Variants in HPSE2 observed in about 807,000 individuals in gnomAD.
HPSE2 encodes heparanase 2 (inactive), also known as inactive heparanase-2.
Under a neutral mutation model 60.5 loss-of-function variants are expected in HPSE2, and 38 were observed. The observed-to-expected ratio is 0.63, with a 90% CI of 0.48 to 0.82. The LOEUF (loss-of-function observed/expected upper bound fraction) is 0.82, where lower values mean the gene tolerates loss of function less well. Among genes scored for constraint, HPSE2 ranks in the 40% least tolerant of loss-of-function variants. The pLI, the probability that HPSE2 is intolerant of heterozygous loss-of-function variation, is 0.00. For missense variants in HPSE2, 713 were observed against 740.4 expected (o/e 0.96, Z 0.43); for synonymous variants, 295 against 293.2 (o/e 1.01, Z -0.06).
intron 3 of HPSE2, among the ~76,000 whole-genome samples, chr10:99,060,743 A>G (rs1958222771): frequency 6.6e-6 from 1 of 151,944 alleles, no homozygotes; most frequent in African/African-American, 2.4e-5. Context: ...TGGTACATAC[A>G]TACAATAGAG....
At chr10:98,954,790 A>G (rs901457888) in intron 3 of HPSE2, among the ~76,000 whole-genome samples, 7 of 151,908 alleles carry the variant, frequency 4.6e-5, no homozygotes, top group Non-Finnish European at 1.0e-4. Context: ...CGCATTTTCC[A>G]CCTTGTTTCG....
chr10:98,920,258 T>A (rs974672306), intron 3 of HPSE2, among the ~76,000 whole-genome samples: 1 of 152,038 alleles, frequency 6.6e-6, no homozygotes, highest in Admixed American at 6.5e-5. Flanking sequence ...CAGAACTGCA[T>A]TACGGACTGG....
At chr10:98,642,176 G>T (rs523884) in intron 6 of HPSE2, among the ~76,000 whole-genome samples, 1 of 151,836 alleles carries the variant, frequency 6.6e-6, no homozygotes, top group Non-Finnish European at 1.5e-5. Context: ...CTTTTGTCAC[G>T]TGAAACCCCA....
rs772793731 is a variant in HPSE2 at position 99,232,435 on chromosome 10, C to A, written c.361G>T (p.Asp121Tyr). The stretch of plus-strand genomic sequence containing the variant: ...CTCAGGTTCTGGAACTGCAGGAAGT[C>A]GGTCCTTTTGCCCCCGAAGCGCAGA... ...AFLRFGGKRT[D>Y]FLQFQNLRNP... Residue 121 changes from aspartate (D) to tyrosine (Y), a missense_variant, in exon 2 of 12, where the codon GAC becomes TAC. By Grantham distance (160) the Asp-to-Tyr change is radical (BLOSUM62 -3). Transcript: ENST00000370552. 1.9e-6 allele frequency: 3 copies of A among 1,556,182 alleles called. No homozygotes were observed. The highest frequency in any genetic ancestry group is 2.6e-6 in the Non-Finnish European group (3 of 1,149,494).
intron 3 of HPSE2, among the ~76,000 whole-genome samples, chr10:99,010,273 T>C (rs1429966614): frequency 6.6e-6 from 1 of 152,182 alleles, no homozygotes; most frequent in African/African-American, 2.4e-5. Context: ...CATAAAACAT[T>C]ATAAAAGGTA....
chr10:98,636,878 A>C (rs1204857177), intron 7 of HPSE2, among the ~76,000 whole-genome samples: 4 of 152,228 alleles, frequency 2.6e-5, no homozygotes, highest in Admixed American at 2.6e-4. Flanking sequence ...CACAGAGTCC[A>C]AATGACTTCA....
chr10:98,779,122 A>G (rs1395322172), intron 3 of HPSE2, among the ~76,000 whole-genome samples: 1 of 152,178 alleles, frequency 6.6e-6, no homozygotes, highest in Non-Finnish European at 1.5e-5. Context: ...TAGGCAGAAG[A>G]CAGGCTCAGA....
chr10:98,829,167 C>T (rs1325292498), intron 3 of HPSE2, among the ~76,000 whole-genome samples: 1 of 151,936 alleles, frequency 6.6e-6, no homozygotes, highest in Admixed American at 6.6e-5. Context: ...ATGGTGGTTG[C>T]CAGGGGATAA....
chr10:99,233,066 C>T (rs937812155), intron 1 of HPSE2, among the ~76,000 whole-genome samples: 16 of 152,252 alleles, frequency 1.1e-4, no homozygotes, highest in Non-Finnish European at 2.2e-4. Flanking sequence ...TGGATTCCTA[C>T]TTTCTTTCTT....
chr10:99,173,270 G>T (rs1049431268), intron 2 of HPSE2, among the ~76,000 whole-genome samples: 2 of 152,162 alleles, frequency 1.3e-5, no homozygotes, highest in Non-Finnish European at 2.9e-5. Context: ...GTATAAGGAA[G>T]ATATTAGGAG....
intron 3 of HPSE2, among the ~76,000 whole-genome samples, chr10:99,098,839 T>G (rs1021408886): frequency 6.6e-6 from 1 of 152,220 alleles, no homozygotes; most frequent in Non-Finnish European, 1.5e-5. Context: ...CCAACAATTT[T>G]TGAACCTGCA....
chr10:98,620,535 A>G, intron 8 of HPSE2, 67 bp downstream of exon 8: 1 of 1,143,878 alleles, frequency 8.7e-7, no homozygotes, highest in Non-Finnish European at 1.3e-6. Flanking sequence ...AATAATCAGC[A>G]ACACCAGAGA....
intron 3 of HPSE2, among the ~76,000 whole-genome samples, chr10:98,806,657 T>A (rs371377919): frequency 5.3e-5 from 8 of 152,222 alleles, no homozygotes; most frequent in Non-Finnish European, 1.0e-4. Context: ...GATGATCTCA[T>A]AGTCACTACT....
rs557362560 is a variant in HPSE2 at position 99,155,010 on chromosome 10, C to A, written c.449-10611G>T. 5.3e-5 allele frequency among the ~76,000 whole-genome samples: 8 copies of A among 150,858 alleles called. No individual in the cohort carries two copies. In the South Asian group the frequency reaches 1.5e-3, roughly 28 times the overall value. ...AAAGATCAAAAGAGACAAAGAAGGA[C>A]ATTACATAATGGTAAAGGGATCAAT... On this transcript the variant is annotated intron_variant, in intron 2 of 11. Transcript: ENST00000370552.
At chr10:99,060,318 A>G (rs1432797986) in intron 3 of HPSE2, among the ~76,000 whole-genome samples, 1 of 152,062 alleles carries the variant, frequency 6.6e-6, no homozygotes, top group African/African-American at 2.4e-5. Context: ...CCTCCACACA[A>G]GAACACTAAA....
intron 10 of HPSE2, among the ~76,000 whole-genome samples, chr10:98,486,194 G>A (rs192034981): frequency 3.1e-4 from 47 of 152,246 alleles, no homozygotes; most frequent in African/African-American, 1.1e-3. Context: ...CTTGGCTGGC[G>A]AGTGCAGCAC....
At chr10:99,103,842 C>T (rs1400299778) in intron 3 of HPSE2, among the ~76,000 whole-genome samples, 1 of 152,154 alleles carries the variant, frequency 6.6e-6, no homozygotes, top group Admixed American at 6.6e-5. Flanking sequence ...CATCTACAAC[C>T]ATCTGATCAT....
At chr10:98,670,968 G>GT (rs1422190293) in intron 6 of HPSE2, among the ~76,000 whole-genome samples, 2 of 152,170 alleles carry the variant, frequency 1.3e-5, no homozygotes, top group African/African-American at 4.8e-5. Flanking sequence ...TGTCTGAGAG[G>GT]TTTTGTCTGC....
chr10:98,545,294 A>T (rs1943628730), intron 9 of HPSE2, among the ~76,000 whole-genome samples: 1 of 152,080 alleles, frequency 6.6e-6, no homozygotes, highest in Admixed American at 6.6e-5. Context: ...ATCCTCCCTA[A>T]CTCATTTTAT....
Sources: allele counts gnomAD v4.1 joint callset (sites outside exome capture counted in the v4.1 genomes callset), GRCh38; gene constraint gnomAD v4.1.1; transcripts MANE v1.5; gene names NCBI Gene and HGNC (gene_info 2026-07-23, HGNC 2026-07-21).